PARG: variants seen among roughly 807,000 people sequenced by gnomAD.
PARG encodes the protein mitochondrial poly(ADP-ribose) glycohydrolase.
A neutral mutation model predicts 113.0 loss-of-function variants in PARG; 35 were observed. The ratio of observed to expected loss-of-function variants is 0.31; its 90% confidence interval spans 0.24 to 0.41. The LOEUF is 0.41. Ranked by LOEUF, PARG falls within the 10% of genes least tolerant of loss-of-function variation. The probability of loss-of-function intolerance (pLI) is 1.00; values close to 1 mark genes in which losing one functional copy is unlikely to be tolerated. For missense variants in PARG, 797 were observed against 1,169.4 expected (o/e 0.68, Z 4.64); for synonymous variants, 330 against 409.9 (o/e 0.81, Z 2.36).
chr10:49,828,965 CG>C (rs1239674942), intron 16 of PARG, among the ~76,000 whole-genome samples: 5 of 152,164 alleles, frequency 3.3e-5, no homozygotes, highest in Non-Finnish European at 5.9e-5. Context: ...CAGCCGGGCA[CG>C]GTGGCTCATG....
chr10:49,854,264 G>A (rs1466847490), intron 13 of PARG, among the ~76,000 whole-genome samples: 14 of 150,954 alleles, frequency 9.3e-5, no homozygotes, highest in Admixed American at 6.0e-4. Flanking sequence ...GACCTGTCTG[G>A]TGGTCCCCTG....
intron 9 of PARG, among the ~76,000 whole-genome samples, chr10:49,878,695 G>A (rs1175917635): frequency 6.6e-6 from 1 of 151,894 alleles, no homozygotes; most frequent in Non-Finnish European, 1.5e-5. Flanking sequence ...AAACAAAAGT[G>A]GGTTTTGTTT....
intron 16 of PARG, among the ~76,000 whole-genome samples, chr10:49,821,650 G>GCCA (rs1844087919): frequency 2.0e-5 from 3 of 152,200 alleles, no homozygotes; most frequent in Non-Finnish European, 4.4e-5. Flanking sequence ...AAAGTGTGGG[G>GCCA]ATTACAGGCA....
In PARG at chr10:49,844,622, C is replaced by CA. The variant is rs34659290; in HGVS notation, c.2354-991dup. Among the ~76,000 whole-genome samples, 404 of 111,152 alleles carry CA rather than the reference C, an allele frequency of 3.6e-3. 1 individual carries two copies. The highest frequency in any genetic ancestry group is 5.6e-3 in the Admixed American group (55 of 9,828). The allele number at this position is 111,152 out of a possible 152,430, so 72.9% of individuals were successfully genotyped here. A position where few individuals can be genotyped will look rare whatever the true frequency, so the allele number is the denominator to read the frequency against. ...TGGGCCACAGAGCAAGACTCCATCT[C>CA]AAAAAAAAAAAAAAAGACACTAGAA... On this transcript the variant is annotated intron_variant, in intron 13 of 17. Coordinates refer to ENST00000616448, the MANE Select transcript of PARG (RefSeq NM_003631.5).
intron 15 of PARG, among the ~76,000 whole-genome samples, chr10:49,835,240 G>A (rs941662751): frequency 6.6e-6 from 1 of 152,140 alleles, no homozygotes; most frequent in African/African-American, 2.4e-5. Context: ...TGGCAAATGC[G>A]TTTGTTTTTC....
chr10:49,929,027 C>T (rs765043972), intron 4 of PARG, among the ~76,000 whole-genome samples: 2 of 152,082 alleles, frequency 1.3e-5, no homozygotes, highest in Non-Finnish European at 2.9e-5. Flanking sequence ...GTATTTTTTA[C>T]AATAGTCTTG....
intron 15 of PARG, among the ~76,000 whole-genome samples, chr10:49,833,638 A>G (rs975824867): frequency 1.3e-5 from 2 of 152,222 alleles, no homozygotes; most frequent in Non-Finnish European, 2.9e-5. Flanking sequence ...CTCATTTTCT[A>G]TATGAGAAGA....
chr10:49,927,736 G>A (rs1168019380), intron 4 of PARG, among the ~76,000 whole-genome samples: 3 of 152,082 alleles, frequency 2.0e-5, no homozygotes, highest in African/African-American at 4.8e-5. Flanking sequence ...TTGGGAGGTT[G>A]AGGCTGGAGG....
At chr10:49,927,069 G>A (rs1362638300) in intron 4 of PARG, among the ~76,000 whole-genome samples, 2 of 152,100 alleles carry the variant, frequency 1.3e-5, no homozygotes, top group Non-Finnish European at 2.9e-5. Context: ...AGCACTTTGG[G>A]AGGTTGAGGA....
intron 13 of PARG, among the ~76,000 whole-genome samples, chr10:49,847,324 T>C (rs1554833501): frequency 6.6e-6 from 1 of 151,882 alleles, no homozygotes; most frequent in African/African-American, 2.4e-5. Context: ...TGAAAAAGTA[T>C]AACCTGACAG....
intron 6 of PARG, among the ~76,000 whole-genome samples, chr10:49,917,142 GAA>G (rs1383126736): frequency 2.6e-5 from 4 of 152,132 alleles, no homozygotes; most frequent in African/African-American, 4.8e-5. Flanking sequence ...CAGAAAGAGT[GAA>G]AGAGTCTTTA....
intron 7 of PARG, among the ~76,000 whole-genome samples, chr10:49,894,398 GT>G (rs1218377643): frequency 1.3e-5 from 2 of 152,068 alleles, no homozygotes; most frequent in East Asian, 1.9e-4. Flanking sequence ...GTATTTATAA[GT>G]TTTTTTCTTT....
intron 7 of PARG, among the ~76,000 whole-genome samples, chr10:49,904,624 G>C (rs560259522): frequency 2.6e-5 from 4 of 151,654 alleles, no homozygotes; most frequent in Admixed American, 2.6e-4. Context: ...TCTAAAAAAA[G>C]AAAGTCTAGG....
In PARG at chr10:49,843,602, T is replaced by C; in HGVS notation, c.2384A>G (p.Tyr795Cys). The C allele has an allele frequency of 6.4e-7, 1 of 1,550,988 alleles. No individual in the cohort carries two copies. The highest frequency in any genetic ancestry group is 8.7e-7 in the Non-Finnish European group (1 of 1,146,348). ...GTEQYSEYTG[Y>C]AETYRWSRSH... ...CCGGGACCAACGATATGTCTCAGCA[T>C]AGCCTGTGTATTCACTGTACTGCTC... The change falls in exon 14 of 18, where the codon TAT becomes TGT. Residue 795 changes from tyrosine (Y) to cysteine (C), a missense_variant. Transcript: ENST00000616448.
chr10:49,873,920 T>TCA (rs1213153629), intron 9 of PARG, among the ~76,000 whole-genome samples: 9 of 144,804 alleles, frequency 6.2e-5, no homozygotes, highest in Non-Finnish European at 1.4e-4. Flanking sequence ...CTTAAATCCG[T>TCA]CACGGTCACT....
rs145922303 is a variant in PARG, at chr10:49,819,195, T to C, written c.*145A>G. On this transcript the variant is annotated 3_prime_UTR_variant, in exon 18 of 18. Transcript: ENST00000616448. ...AGATGTACCAACTGACAACTGCACA[T>C]GTGTGGAAGAGATTGCGTCCTTGAC... 540 of 611,740 alleles carry C rather than the reference T, an allele frequency of 8.8e-4. 1 individual carries two copies. Among genetic ancestry groups the C allele is most frequent in the East Asian group, 1.8e-3 (63 of 34,326 alleles). 37.9% of individuals were successfully genotyped at this position (611,740 alleles called of 1,614,324 possible). A position where few individuals can be genotyped will look rare whatever the true frequency, so the allele number is the denominator to read the frequency against.
At position 49,819,286 on chromosome 10, in the gene PARG, T is replaced by G; in HGVS notation, c.*54A>C. 6.9e-7 allele frequency: 1 copy of G among 1,443,832 alleles called. No homozygotes were observed. The highest frequency in any genetic ancestry group is 1.3e-5 in the South Asian group (1 of 77,970). The allele number at this position is 1,443,832 out of a possible 1,614,324, so 89.4% of individuals were successfully genotyped here. Reference sequence around the variant, plus strand: ...CAATTCATATATTACACCTGACAGCTCAAACAGGACGTCTCTGGTGGGAGG... The same window carrying G: ...CAATTCATATATTACACCTGACAGCGCAAACAGGACGTCTCTGGTGGGAGG... On this transcript the variant is annotated 3_prime_UTR_variant, in exon 18 of 18. Coordinates refer to ENST00000616448, the MANE Select transcript of PARG (RefSeq NM_003631.5).
chr10:49,892,441 T>C, intron 7 of PARG, among the ~76,000 whole-genome samples: 1 of 152,128 alleles, frequency 6.6e-6, no homozygotes, highest in East Asian at 1.9e-4. Context: ...TATATTTTTC[T>C]ACAACTTGTT....
Position 49,842,076 on chromosome 10 carries a change from G to A in PARG, c.2433-18C>T. The A allele has an allele frequency of 2.7e-6, 4 of 1,509,348 alleles. No individual in the cohort carries two copies. Among genetic ancestry groups the A allele is most frequent in the Non-Finnish European group, 3.6e-6 (4 of 1,110,866 alleles). The allele number at this position is 1,509,348 out of a possible 1,614,324, so 93.5% of individuals were successfully genotyped here. A position where few individuals can be genotyped will look rare whatever the true frequency, so the allele number is the denominator to read the frequency against. On this transcript the variant is annotated intron_variant, in intron 14 of 17. Transcript: ENST00000616448. ...AGTCGTCCCTGGGACAGGAAGGAAAGGGGAGAAAAGATAAGGAACAGGTAG... is the reference window on the plus strand; with the variant it reads ...AGTCGTCCCTGGGACAGGAAGGAAAAGGGAGAAAAGATAAGGAACAGGTAG...
Sources: allele counts gnomAD v4.1 joint callset (sites outside exome capture counted in the v4.1 genomes callset), GRCh38; gene constraint gnomAD v4.1.1; transcripts MANE v1.5; gene names NCBI Gene and HGNC (gene_info 2026-07-23, HGNC 2026-07-21).